The following KIF1C variants were observed in gnomAD, a reference collection of about 807,000 sequenced individuals.
The protein encoded by KIF1C is kinesin family member 1C, also known as kinesin-like protein KIF1C.
In KIF1C, 61 loss-of-function variants were observed where a neutral mutation model predicts 126.5. That is an observed-to-expected ratio of 0.48 (90% CI 0.39 to 0.60). KIF1C has a LOEUF of 0.60. Among genes scored for constraint, KIF1C ranks in the 20% least tolerant of loss-of-function variants. KIF1C has a pLI of 0.00. For synonymous variants in KIF1C, 640 were observed against 580.6 expected, an observed-to-expected ratio of 1.10 and a Z score of -1.47; for missense variants, 1,315 against 1,489.2, an observed-to-expected ratio of 0.88 and a Z score of 1.93.
Position 5,007,329 on chromosome 17 carries a change from C to T in KIF1C, c.1402C>T (p.Leu468=). ...GGAGAAGCTACGCAAGACAGAAGCCCTGAGGATGGAGAGGTGTGAGGGCCG... is the reference window on the plus strand; with the variant it reads ...GGAGAAGCTACGCAAGACAGAAGCCTTGAGGATGGAGAGGTGTGAGGGCCG... ...WEEKLRKTEA[L]RMEREALLAE... is the part of the protein sequence containing the mutation. Residue 468 remains leucine (L), a synonymous_variant, in exon 15 of 23, where the codon CTG becomes TTG. Transcript: ENST00000320785. 6.2e-7 allele frequency: 1 copy of T among 1,613,666 alleles called. No individual in the cohort carries two copies. Among genetic ancestry groups the T allele is most frequent in the Non-Finnish European group, 8.5e-7 (1 of 1,179,814 alleles).
Position 5,000,847 on chromosome 17 carries a change from C to T in KIF1C, c.182C>T (p.Ser61Leu), listed in dbSNP as rs555256113. ...TFDYSYWSHT[S>L]TEDPQFASQQ... Reference sequence around the variant, plus strand: ...GACTACTCCTACTGGTCACACACTTCGGTGGGTTGTTGGGCTGGGGGAAGA... The same window carrying T: ...GACTACTCCTACTGGTCACACACTTTGGTGGGTTGTTGGGCTGGGGGAAGA... Residue 61 changes from serine (S) to leucine (L), a missense_variant and splice_region_variant, in exon 4 of 23, where the codon TCG (serine) becomes TTG (leucine). Coordinates refer to ENST00000320785, the MANE Select transcript of KIF1C (RefSeq NM_006612.6). The T allele has an allele frequency of 3.3e-5, 54 of 1,613,808 alleles. No individual in the cohort carries two copies. The highest frequency in any genetic ancestry group is 1.7e-5 in the Admixed American group (1 of 60,006).
At chr17:5,004,253 C>A (rs1450114257) in intron 11 of KIF1C, among the ~76,000 whole-genome samples, 180 bp downstream of exon 11, 1 of 152,184 alleles carries the variant, frequency 6.6e-6, no homozygotes, top group African/African-American at 2.4e-5. Flanking sequence ...AGGCCATACC[C>A]TCCCGTCAAG....
intron 18 of KIF1C, among the ~76,000 whole-genome samples, chr17:5,016,210 TCA>T (rs1284062880): frequency 6.6e-6 from 1 of 151,506 alleles, no homozygotes; most frequent in African/African-American, 2.4e-5. Context: ...CGATCTCGAC[TCA>T]CTGCAACCTC....
In KIF1C at chr17:5,020,697, C is replaced by T. The variant is rs181358276; in HGVS notation, c.1937+19C>T. The T allele has an allele frequency of 1.4e-3, 2,225 of 1,611,922 alleles. 3 individuals carry two copies. Among genetic ancestry groups the T allele is most frequent in the Non-Finnish European group, 1.7e-3 (2,061 of 1,178,346 alleles). On this transcript the variant is annotated intron_variant, in intron 20 of 22. Transcript: ENST00000320785. This position sits in a 1 kb window ranked among gnomAD's most constrained non-coding sequence, Gnocchi z 5.8. ...AGAAGAGGTGCGAGGGGGTTACCCACGTGCCCCATGGCCGTCTAGGCCGTC... is the reference window on the plus strand; with the variant it reads ...AGAAGAGGTGCGAGGGGGTTACCCATGTGCCCCATGGCCGTCTAGGCCGTC...
At position 5,007,650 on chromosome 17, in the gene KIF1C, C is replaced by T. The variant is rs555463153; in HGVS notation, c.1491+108C>T. On this transcript the variant is annotated intron_variant, in intron 16 of 22. Transcript: ENST00000320785. ...TGTCCCTGATCGCTCCCTTTGAGGT[C>T]CCCGGCTTGTCCCTCCATCATTTCT... is the stretch of plus-strand genomic sequence containing the variant. The T allele has an allele frequency of 5.1e-5, 42 of 822,814 alleles. No homozygotes were observed. The African/African-American group carries it at 6.0e-4, about 12-fold the overall frequency. 51.0% of individuals were successfully genotyped at this position (822,814 alleles called of 1,614,324 possible).
At chr17:5,012,768 A>AGCAGTGGCATGAATGGGGGT (rs1253160829) in intron 16 of KIF1C, among the ~76,000 whole-genome samples, 1 of 152,144 alleles carries the variant, frequency 6.6e-6, no homozygotes, top group African/African-American at 2.4e-5. Flanking sequence ...CAGGCGTGGC[A>AGCAGTGGCATGAATGGGGGT]GCAGTGGCAT....
chr17:5,004,132 A>G, intron 11 of KIF1C, 59 bp downstream of exon 11: 1 of 1,194,146 alleles, frequency 8.4e-7, no homozygotes, highest in Non-Finnish European at 1.3e-6. Context: ...CTCTTTTGAT[A>G]CATCTGACAA....
Position 5,000,224 on chromosome 17 carries a change from G to A in KIF1C, c.-23G>A. ...ACTCCTTTCTCTGTCCTCCAGCTGA[G>A]GAGGGCAGGAGTGTCTGGAGCTATG... On this transcript the variant is annotated 5_prime_UTR_variant, in exon 3 of 23. Transcript: ENST00000320785. The A allele has an allele frequency of 6.6e-7, 1 of 1,520,970 alleles. No individual in the cohort carries two copies. The highest frequency in any genetic ancestry group is 8.9e-7 in the Non-Finnish European group (1 of 1,117,504). 94.2% of individuals were successfully genotyped at this position (1,520,970 alleles called of 1,614,324 possible).
At chr17:5,009,203 G>A (rs572895132) in intron 16 of KIF1C, among the ~76,000 whole-genome samples, 2 of 149,778 alleles carry the variant, frequency 1.3e-5, no homozygotes, top group Admixed American at 6.6e-5. Flanking sequence ...TTTTTGAGAC[G>A]GGGTCTTGTA....
rs189146305 is a variant in KIF1C, at chr17:5,024,273, G to A, written c.*122G>A. The A allele has an allele frequency of 8.3e-6, 6 of 718,768 alleles. No individual in the cohort carries two copies. The highest frequency in any genetic ancestry group is 7.7e-5 in the South Asian group (4 of 52,096). 44.5% of individuals were successfully genotyped at this position (718,768 alleles called of 1,614,324 possible). On this transcript the variant is annotated 3_prime_UTR_variant, in exon 23 of 23. Transcript: ENST00000320785. ...GCCCAGGAGATGAGAGAGAAGGTCC[G>A]AGTAGGTGATAGAAGACAAGGGGGA... is the stretch of plus-strand genomic sequence containing the variant.
At position 5,002,838 on chromosome 17, in the gene KIF1C, A is replaced by T; in HGVS notation, c.716A>T (p.Glu239Val). The T allele has an allele frequency of 1.9e-6, 3 of 1,589,318 alleles. No individual in the cohort carries two copies. The highest frequency in any genetic ancestry group is 2.6e-6 in the Non-Finnish European group (3 of 1,165,416). ...CHDQLTGLDS[E>V]KVSKISLVDL... is the part of the protein sequence containing the mutation. ...GACCAGCTCACGGGGCTGGACTCGG[A>T]GAAGGTGGGATCGCCCCCCCCCCCA... Residue 239 changes from glutamate to valine, a missense_variant, in exon 8 of 23, where the codon GAG becomes GTG. Physicochemically the swap from Glu to Val is moderately radical, Grantham distance 121. Around this residue, in one of 2 missense-constraint regions of KIF1C, gnomAD observed 874 missense variants for 1,053.2 expected, o/e 0.83. Transcript: ENST00000320785.
At chr17:5,000,870 A>G (rs1567719240) in intron 4 of KIF1C, 22 bp downstream of exon 4, 1 of 1,605,476 alleles carries the variant, frequency 6.2e-7, no homozygotes, top group Non-Finnish European at 8.5e-7. Context: ...GGCTGGGGGA[A>G]GAGCAAGGCA....
At chr17:5,021,078 A>G (rs1274234592) in intron 21 of KIF1C, among the ~76,000 whole-genome samples, 200 bp downstream of exon 21, 3 of 151,586 alleles carry the variant, frequency 2.0e-5, no homozygotes, top group Non-Finnish European at 4.4e-5. Context: ...CCTCCAGTTG[A>G]CCAGGCCTTC....
In KIF1C at chr17:5,002,874, G is replaced by A. The variant is rs767069435; in HGVS notation, c.720+32G>A. ...TCGCCCCCCCCCCCACTCCCCCACC[G>A]GATGCAACCTCCCCTGGCAACAGGG... On this transcript the variant is annotated intron_variant, in intron 8 of 22. Transcript: ENST00000320785. 76 of 1,345,254 alleles carry A rather than the reference G, an allele frequency of 5.6e-5. No homozygotes were observed. The Admixed American group carries it at 1.2e-3, about 22-fold the overall frequency. 83.3% of individuals were successfully genotyped at this position (1,345,254 alleles called of 1,614,324 possible). A position where few individuals can be genotyped will look rare whatever the true frequency, so the allele number is the denominator to read the frequency against.
At chr17:5,018,332 G>T (rs1412258371) in intron 18 of KIF1C, among the ~76,000 whole-genome samples, 2 of 146,008 alleles carry the variant, frequency 1.4e-5, no homozygotes, top group Admixed American at 1.4e-4. Context: ...AATATTAATA[G>T]AATTAAATGC....
chr17:5,000,626 G>A lies in KIF1C; in HGVS notation c.107-146G>A. On this transcript the variant is annotated intron_variant, in intron 3 of 22. Transcript: ENST00000320785. ...CCAAAATTAGCTTTGGTGGCTGGAG[G>A]GGGTGGGGAATGTTAAAGGGGAGAG... is the stretch of plus-strand genomic sequence containing the variant. The A allele has an allele frequency of 1.6e-5, 13 of 789,218 alleles. No homozygotes were observed. In the Middle Eastern group the frequency reaches 9.0e-4, roughly 55 times the overall value. 48.9% of individuals were successfully genotyped at this position (789,218 alleles called of 1,614,324 possible). A position where few individuals can be genotyped will look rare whatever the true frequency, so the allele number is the denominator to read the frequency against.
At position 5,013,825 on chromosome 17, in the gene KIF1C, T is replaced by A. The variant is rs1318126251; in HGVS notation, c.1571+93T>A. 1.0e-5 allele frequency: 9 copies of A among 885,180 alleles called. No homozygotes were observed. In the East Asian group the frequency reaches 2.3e-4, roughly 22 times the overall value. The allele number at this position is 885,180 out of a possible 1,614,324, so 54.8% of individuals were successfully genotyped here. On this transcript the variant is annotated intron_variant, in intron 17 of 22. Coordinates refer to ENST00000320785, the MANE Select transcript of KIF1C (RefSeq NM_006612.6). Reference sequence around the variant, plus strand: ...CATTGGTGTCTCCCTTCCCTGGTGGTCCCTGGAGATACCTCAGATCTCTAA... The same window carrying A: ...CATTGGTGTCTCCCTTCCCTGGTGGACCCTGGAGATACCTCAGATCTCTAA...
Position 5,001,242 on chromosome 17 carries a change from A to G in KIF1C, c.204A>G (p.Ala68=). The G allele has an allele frequency of 6.2e-7, 1 of 1,614,130 alleles. No homozygotes were observed. The highest frequency in any genetic ancestry group is 8.5e-7 in the Non-Finnish European group (1 of 1,179,986). Residue 68 remains alanine, a synonymous_variant, in exon 5 of 23, where the codon GCA becomes GCG. Transcript: ENST00000320785. ...CCTAGACGGAGGACCCCCAGTTTGC[A>G]TCTCAGCAGCAAGTGTATCGGGACA... The part of the protein sequence containing the change: ...SHTSTEDPQF[A]SQQQVYRDIG...
At chr17:5,002,909 T>C (rs915729191) in intron 8 of KIF1C, 67 bp downstream of exon 8, 21 of 1,278,508 alleles carry the variant, frequency 1.6e-5, no homozygotes, top group Non-Finnish European at 2.3e-5. Flanking sequence ...GACAGTGACA[T>C]GGTAGAAGGG....
Sources: gnomAD v4.1 joint callset for allele counts (sites outside exome capture counted in the v4.1 genomes callset) on GRCh38, gnomAD v4.1.1 for gene constraint, gnomAD v4.1.1 regional missense constraint, Gnocchi (gnomAD v3.1) non-coding constraint, MANE v1.5 for transcripts, NCBI Gene and HGNC (gene_info 2026-07-23, HGNC 2026-07-21) for gene names.